The following DCDC2C variants were observed in gnomAD, a reference collection of about 807,000 sequenced individuals.
The protein encoded by DCDC2C is doublecortin domain containing 2C.
In DCDC2C, 44 loss-of-function variants were observed where a neutral mutation model predicts 45.0. The observed-to-expected ratio is 0.98, with a 90% CI of 0.77 to 1.26. The LOEUF (loss-of-function observed/expected upper bound fraction) is 1.26. Ranked by LOEUF, DCDC2C falls within the 50% of genes most tolerant of loss-of-function variation. The pLI, the probability that DCDC2C is intolerant of heterozygous loss-of-function variation, is 0.00. For missense variants in DCDC2C, 447 were observed against 468.9 expected (o/e 0.95, Z 0.43); for synonymous variants, 187 against 178.8 (o/e 1.05, Z -0.37).
intron 4 of DCDC2C, among the ~76,000 whole-genome samples, chr2:3,747,525 G>A (rs555579204): frequency 8.5e-5 from 13 of 152,316 alleles, no homozygotes; most frequent in African/African-American, 2.4e-4. Context: ...CCCAGTGGAC[G>A]TCACTTCTGG....
intron 6 of DCDC2C, among the ~76,000 whole-genome samples, chr2:3,756,225 A>C (rs1321295458): frequency 6.6e-6 from 1 of 152,146 alleles, no homozygotes; most frequent in Non-Finnish European, 1.5e-5. Context: ...GTAACTGTTT[A>C]CGTGATCCTC....
At chr2:3,839,541 C>G (rs1202199328) in intron 10 of DCDC2C, among the ~76,000 whole-genome samples, 1 of 152,144 alleles carries the variant, frequency 6.6e-6, no homozygotes, top group Non-Finnish European at 1.5e-5. Flanking sequence ...CCTCATCCAG[C>G]TGTTATCGTT....
chr2:3,745,379 A>G (rs115671055), intron 4 of DCDC2C, among the ~76,000 whole-genome samples: 2,238 of 152,330 alleles, frequency 0.015, 56 homozygotes, highest in African/African-American at 0.051. Flanking sequence ...GGAACAGAAT[A>G]TTTGAAGGGT....
Position 3,847,744 on chromosome 2 carries a change from C to T in DCDC2C, c.*561C>T, listed in dbSNP as rs973011335. 1.3e-5 allele frequency among the ~76,000 whole-genome samples: 2 copies of T among 152,050 alleles called. No homozygotes were observed. Among genetic ancestry groups the T allele is most frequent in the Non-Finnish European group, 2.9e-5 (2 of 67,998 alleles). ...ATCCCCATGTGTTGGAGGAGGGGGCCGGTGGGAGGTGATTGAATCATGGGG... is the reference window on the plus strand; with the variant it reads ...ATCCCCATGTGTTGGAGGAGGGGGCTGGTGGGAGGTGATTGAATCATGGGG... On this transcript the variant is annotated 3_prime_UTR_variant, in exon 11 of 11. Transcript: ENST00000399143.
chr2:3,825,928 T>G (rs1043058660), intron 10 of DCDC2C, among the ~76,000 whole-genome samples: 4 of 152,242 alleles, frequency 2.6e-5, no homozygotes, highest in African/African-American at 9.6e-5. Context: ...TGAGCCTTCG[T>G]GTCCTGAGGA....
chr2:3,764,036 A>T (rs1669953644), intron 6 of DCDC2C, among the ~76,000 whole-genome samples: 1 of 152,220 alleles, frequency 6.6e-6, no homozygotes, highest in Non-Finnish European at 1.5e-5. Context: ...TTAGCATGGT[A>T]GTTAACATGA....
intron 3 of DCDC2C, 140 bp from the exon 4 acceptor site, chr2:3,741,780 A>G: frequency 2.2e-6 from 2 of 910,322 alleles, no homozygotes; most frequent in Non-Finnish European, 3.2e-6. Flanking sequence ...GGTCCCCAAT[A>G]AGACATAGTA....
At chr2:3,747,379 G>A (rs1669403516) in intron 4 of DCDC2C, among the ~76,000 whole-genome samples, 1 of 152,224 alleles carries the variant, frequency 6.6e-6, no homozygotes, top group African/African-American at 2.4e-5. Context: ...CCATGAACTT[G>A]AGTTTGCCCA....
At chr2:3,811,303 G>GTAAA (rs1482521165) in intron 10 of DCDC2C, among the ~76,000 whole-genome samples, 1 of 152,148 alleles carries the variant, frequency 6.6e-6, no homozygotes, top group Non-Finnish European at 1.5e-5. Flanking sequence ...CACGTCCCTT[G>GTAAA]TAAATTGTAT....
chr2:3,797,813 G>T (rs922242947), intron 10 of DCDC2C, among the ~76,000 whole-genome samples: 2 of 151,216 alleles, frequency 1.3e-5, no homozygotes, highest in Non-Finnish European at 2.9e-5. Flanking sequence ...TTTGAAATAG[G>T]TGTGGTGTGG....
intron 4 of DCDC2C, among the ~76,000 whole-genome samples, chr2:3,743,750 C>A (rs1458166020): frequency 3.9e-5 from 6 of 152,148 alleles, no homozygotes; most frequent in African/African-American, 1.4e-4. Context: ...AAAACCAGTT[C>A]TAAGAGTGAA....
chr2:3,807,812 A>T (rs1025804648), intron 10 of DCDC2C, among the ~76,000 whole-genome samples: 56 of 152,148 alleles, frequency 3.7e-4, no homozygotes, highest in African/African-American at 1.3e-3. Flanking sequence ...AGAGTGTCAT[A>T]GGCTGGAATT....
intron 10 of DCDC2C, among the ~76,000 whole-genome samples, chr2:3,794,536 C>T (rs924825525): frequency 6.6e-6 from 1 of 151,796 alleles, no homozygotes; most frequent in Non-Finnish European, 1.5e-5. Flanking sequence ...CCACAACAGT[C>T]CCCAGAGTAT....
At chr2:3,817,776 C>A (rs558175035) in intron 10 of DCDC2C, among the ~76,000 whole-genome samples, 3 of 152,074 alleles carry the variant, frequency 2.0e-5, no homozygotes, top group South Asian at 2.1e-4. Flanking sequence ...GTGGGAGCAG[C>A]TTTTGGGGCT....
At chr2:3,808,374 C>T (rs937961443) in intron 10 of DCDC2C, among the ~76,000 whole-genome samples, 2 of 151,932 alleles carry the variant, frequency 1.3e-5, no homozygotes, top group East Asian at 1.9e-4. Flanking sequence ...CATTTTGTCA[C>T]GTTTTGAGAG....
intron 8 of DCDC2C, among the ~76,000 whole-genome samples, chr2:3,770,427 T>G (rs542294327): frequency 6.6e-6 from 1 of 152,356 alleles, no homozygotes; most frequent in Admixed American, 6.5e-5. Flanking sequence ...CTCTCAATAT[T>G]CTAGCTTTCC....
intron 3 of DCDC2C, among the ~76,000 whole-genome samples, chr2:3,739,004 C>A (rs1267085181): frequency 6.6e-6 from 1 of 152,228 alleles, no homozygotes; most frequent in Non-Finnish European, 1.5e-5. Flanking sequence ...TAGGTTCATT[C>A]TTCTGCTCAA....
intron 10 of DCDC2C, among the ~76,000 whole-genome samples, chr2:3,845,615 C>G (rs1225133168): frequency 6.6e-6 from 1 of 152,222 alleles, no homozygotes; most frequent in African/African-American, 2.4e-5. Context: ...GGAACCATTG[C>G]CATCTCATCC....
intron 8 of DCDC2C, among the ~76,000 whole-genome samples, chr2:3,775,976 C>G (rs528991933): frequency 6.6e-6 from 1 of 151,670 alleles, no homozygotes; most frequent in South Asian, 2.1e-4. Context: ...TCGCTGTGGG[C>G]TAGGCAGCTG....
Sources: gnomAD v4.1 joint callset for allele counts (sites outside exome capture counted in the v4.1 genomes callset) on GRCh38, gnomAD v4.1.1 for gene constraint, MANE v1.5 for transcripts, NCBI Gene and HGNC (gene_info 2026-07-23, HGNC 2026-07-21) for gene names.